The following HDAC9 variants were observed in gnomAD, a reference collection of about 807,000 sequenced individuals.
HDAC9 encodes the protein MEF-2 interacting transcription repressor (MITR) protein.
HDAC9 carries 41 observed loss-of-function variants against 139.4 expected under a neutral mutation model. The ratio of observed to expected loss-of-function variants is 0.29; its 90% CI spans 0.23 to 0.38. The LOEUF (loss-of-function observed/expected upper bound fraction) is 0.38. Among genes scored for constraint, HDAC9 ranks in the 10% least tolerant of loss-of-function variants. The pLI is 1.00. For synonymous variants in HDAC9, 517 were observed against 476.2 expected (o/e 1.09, Z -1.12); for missense variants, 1,147 against 1,297.0 (o/e 0.88, Z 1.78).
In HDAC9 at chr7:18,983,845, A is replaced by C. The variant is rs117320493; in HGVS notation, c.3170+7892A>C. Among the ~76,000 whole-genome samples the C allele has an allele frequency of 6.5e-3, 984 of 152,228 alleles. 6 individuals carry two copies. Among genetic ancestry groups the C allele is most frequent in the Non-Finnish European group, 0.011 (759 of 68,002 alleles). On this transcript the variant is annotated intron_variant, in intron 25 of 25. Transcript: ENST00000686413. ...AGTTTTCCTCCAAAAAGCCATACTC[A>C]TGTCCACATCAGGGCTTCCTTGGCA...
chr7:18,283,293 C>G (rs541580883), intron 2 of HDAC9, among the ~76,000 whole-genome samples: 1 of 152,208 alleles, frequency 6.6e-6, no homozygotes, highest in Non-Finnish European at 1.5e-5. Context: ...ACAACCAGAT[C>G]TTCTGAGAAC....
intron 23 of HDAC9, among the ~76,000 whole-genome samples, chr7:18,939,789 T>C (rs909094417): frequency 4.4e-4 from 67 of 152,310 alleles, no homozygotes; most frequent in African/African-American, 1.5e-3. Context: ...CAGTGATTAA[T>C]AGAGCAATTA....
intron 6 of HDAC9, among the ~76,000 whole-genome samples, chr7:18,606,495 G>C (rs1835542479): frequency 1.3e-5 from 2 of 152,184 alleles, no homozygotes; most frequent in Admixed American, 1.3e-4. Flanking sequence ...AAAACTGAGA[G>C]AGAGAAAATA....
intron 17 of HDAC9, among the ~76,000 whole-genome samples, chr7:18,798,941 C>G (rs977883502): frequency 6.6e-6 from 1 of 151,886 alleles, no homozygotes; most frequent in African/African-American, 2.4e-5. Flanking sequence ...AGGCCCTAAG[C>G]TCTTATGTCA....
intron 24 of HDAC9, among the ~76,000 whole-genome samples, chr7:18,961,420 G>A (rs1171159049): frequency 6.6e-6 from 1 of 152,122 alleles, no homozygotes; most frequent in Non-Finnish European, 1.5e-5. Context: ...GATGATGGTG[G>A]TGATCAGCTC....
chr7:18,151,518 T>C (rs1342212703), intron 1 of HDAC9, among the ~76,000 whole-genome samples: 2 of 152,224 alleles, frequency 1.3e-5, no homozygotes, highest in Non-Finnish European at 2.9e-5. Flanking sequence ...TGAATGTCTT[T>C]GCAGCCTCCT....
intron 22 of HDAC9, among the ~76,000 whole-genome samples, chr7:18,896,688 A>T (rs1321995625): frequency 6.6e-6 from 1 of 152,112 alleles, no homozygotes; most frequent in Non-Finnish European, 1.5e-5. Context: ...ACAATGTGTT[A>T]TAAGATTTTA....
chr7:18,304,595 G>T (rs1295465610), intron 1 of HDAC9, among the ~76,000 whole-genome samples: 3 of 151,880 alleles, frequency 2.0e-5, no homozygotes, highest in Admixed American at 6.6e-5. Context: ...CATGAAAGTT[G>T]AAAAAAAGTA....
intron 2 of HDAC9, among the ~76,000 whole-genome samples, chr7:18,183,231 G>A (rs542227902): frequency 9.2e-4 from 140 of 152,202 alleles, no homozygotes; most frequent in Middle Eastern, 3.4e-3. Context: ...GGATGGTCTT[G>A]ATCTTCTGAC....
At chr7:18,504,809 A>G (rs1322352013) in intron 2 of HDAC9, among the ~76,000 whole-genome samples, 2 of 152,234 alleles carry the variant, frequency 1.3e-5, no homozygotes, top group African/African-American at 4.8e-5. Flanking sequence ...ATTCAGAGAG[A>G]TAAGAAATTT....
intron 17 of HDAC9, among the ~76,000 whole-genome samples, chr7:18,824,940 C>T (rs780462159): frequency 2.6e-5 from 4 of 152,144 alleles, no homozygotes; most frequent in Non-Finnish European, 5.9e-5. Flanking sequence ...AGGAATTTGT[C>T]ATGAAATAAA....
chr7:18,276,178 A>G (rs1796705425), intron 2 of HDAC9, among the ~76,000 whole-genome samples: 1 of 152,230 alleles, frequency 6.6e-6, no homozygotes, highest in Non-Finnish European at 1.5e-5. Flanking sequence ...TTTTATATCT[A>G]TTCTTATACT....
intron 12 of HDAC9, among the ~76,000 whole-genome samples, chr7:18,720,830 C>T (rs1216423337): frequency 3.3e-5 from 5 of 152,018 alleles, no homozygotes; most frequent in South Asian, 2.1e-4. Flanking sequence ...TTTGACAACA[C>T]GCCAACTAAT....
chr7:18,251,803 T>C (rs1021505309), intron 2 of HDAC9, among the ~76,000 whole-genome samples: 1 of 152,110 alleles, frequency 6.6e-6, no homozygotes, highest in Non-Finnish European at 1.5e-5. Context: ...GTGAATGACA[T>C]TTTTGTATAT....
intron 17 of HDAC9, among the ~76,000 whole-genome samples, chr7:18,799,510 T>C (rs999262792): frequency 1.3e-5 from 2 of 152,212 alleles, no homozygotes; most frequent in African/African-American, 4.8e-5. Flanking sequence ...TTTAAAGAAG[T>C]AAGTTAAGCC....
At chr7:18,665,852 A>C (rs999682890) in intron 11 of HDAC9, among the ~76,000 whole-genome samples, 3 of 152,124 alleles carry the variant, frequency 2.0e-5, no homozygotes, top group Non-Finnish European at 4.4e-5. Context: ...GAAAAGTATT[A>C]TTCCCAGGTT....
At chr7:18,585,255 A>G in intron 2 of HDAC9, 26 bp from the exon 3 acceptor site, 1 of 1,432,310 alleles carries the variant, frequency 7.0e-7, no homozygotes, top group Non-Finnish European at 9.5e-7. Flanking sequence ...CCCCCACCCC[A>G]TTTCCCTTTT....
At chr7:18,429,091 T>C (rs1790394829) in intron 1 of HDAC9, 1 of 152,116 alleles carries the variant, frequency 6.6e-6, no homozygotes, top group Non-Finnish European at 1.5e-5. Flanking sequence ...TTCTCCACAG[T>C]CCTTATCACC....
rs1485355864 is a variant in HDAC9, at chr7:18,732,614, T to C, written c.1909+4857T>C. On this transcript the variant is annotated intron_variant, in intron 13 of 25. Transcript: ENST00000686413. ...ACACGTGTATATGTGTGCATATGTG[T>C]ATATACACACACGTGTATATGTGTG... is the stretch of plus-strand genomic sequence containing the variant. 1.4e-5 allele frequency among the ~76,000 whole-genome samples: 2 copies of C among 138,260 alleles called. 1 individual carries two copies. Among genetic ancestry groups the C allele is most frequent in the African/African-American group, 6.0e-5 (2 of 33,102 alleles). 90.7% of individuals were successfully genotyped at this position (138,260 alleles called of 152,430 possible). A position where few individuals can be genotyped will look rare whatever the true frequency, so the allele number is the denominator to read the frequency against.
Sources: gnomAD v4.1 joint callset for allele counts (sites outside exome capture counted in the v4.1 genomes callset) on GRCh38, gnomAD v4.1.1 for gene constraint, MANE v1.5 for transcripts, NCBI Gene and HGNC (gene_info 2026-07-23, HGNC 2026-07-21) for gene names.